The following SNX31 variants were observed in gnomAD, a reference collection of about 807,000 sequenced individuals.
The protein encoded by SNX31 is sorting nexin-31.
Under a neutral mutation model 65.4 loss-of-function variants are expected in SNX31, and 58 were observed. That is an observed-to-expected ratio of 0.89 (90% CI 0.72 to 1.10). The LOEUF (loss-of-function observed/expected upper bound fraction) is 1.10. Among genes scored for constraint, SNX31 ranks in the 50% least tolerant of loss-of-function variants. The pLI is 0.00. For synonymous variants in SNX31, 181 were observed against 190.1 expected (o/e 0.95, Z 0.39); for missense variants, 523 against 529.7 (o/e 0.99, Z 0.12).
chr8:100,653,834 A>T (rs1820013627), upstream of SNX31, among the ~76,000 whole-genome samples: 1 of 152,212 alleles, frequency 6.6e-6, no homozygotes, highest in South Asian at 2.1e-4. Context: ...ACAGAGGAAG[A>T]GCAGCTCAGA....
chr8:100,582,957 G>A (rs1271255177), intron 12 of SNX31, among the ~76,000 whole-genome samples: 1 of 150,826 alleles, frequency 6.6e-6, no homozygotes, highest in Non-Finnish European at 1.5e-5. Flanking sequence ...ACTCCAGCCT[G>A]GGCGACAGAG....
At chr8:100,656,652 A>AC (rs1563594474) in intron 1 of SNX31, among the ~76,000 whole-genome samples, 1 of 151,526 alleles carries the variant, frequency 6.6e-6, no homozygotes, top group Non-Finnish European at 1.5e-5. Context: ...AAAAAAAAAA[A>AC]AAAAAAAAAA....
rs902890175 is a variant in SNX31 at position 100,588,053 on chromosome 8, C to T, written c.1092+813G>A. Among the ~76,000 whole-genome samples, 2 of 151,148 alleles carry T rather than the reference C, an allele frequency of 1.3e-5. No individual in the cohort carries two copies. Among genetic ancestry groups the T allele is most frequent in the Non-Finnish European group, 2.9e-5 (2 of 67,874 alleles). On this transcript the variant is annotated intron_variant, in intron 11 of 13. Coordinates refer to ENST00000311812, the MANE Select transcript of SNX31 (RefSeq NM_152628.4). This position sits in a 1 kb window ranked among gnomAD's most constrained non-coding sequence, Gnocchi z 4.8. ...AATAAATTCTGAGGCAATTGTAACA[C>T]AATGATAAGTATGTGTATCACCTAA... is the stretch of plus-strand genomic sequence containing the variant.
chr8:100,658,453 G>A (rs1454777005), intron 1 of SNX31, among the ~76,000 whole-genome samples: 1 of 152,210 alleles, frequency 6.6e-6, no homozygotes, highest in Admixed American at 6.5e-5. Flanking sequence ...ATGCTCAAAT[G>A]CTGCTGCAGA....
chr8:100,639,757 G>A (rs1819027765), intron 2 of SNX31, among the ~76,000 whole-genome samples: 1 of 152,150 alleles, frequency 6.6e-6, no homozygotes, highest in African/African-American at 2.4e-5. Context: ...CATATCTAGT[G>A]CCCAGATCTT....
At chr8:100,584,603 C>T (rs1350075109) in intron 11 of SNX31, among the ~76,000 whole-genome samples, 1 of 151,800 alleles carries the variant, frequency 6.6e-6, no homozygotes, top group East Asian at 1.9e-4. Flanking sequence ...ACATTGTATA[C>T]ATAATTATTG....
Position 100,649,580 on chromosome 8 carries a change from T to C in SNX31, c.-66A>G. On this transcript the variant is annotated 5_prime_UTR_variant, in exon 1 of 14. Coordinates refer to ENST00000311812, the MANE Select transcript of SNX31 (RefSeq NM_152628.4). ...TGCGGCGGCGGGCGGTGCGCGGCTC[T>C]GAACTCGGCAGCGGTGGACGCAGCG... 6.9e-7 allele frequency: 1 copy of C among 1,452,454 alleles called. No homozygotes were observed. The highest frequency in any genetic ancestry group is 1.2e-5 in the South Asian group (1 of 80,646). The allele number at this position is 1,452,454 out of a possible 1,614,324, so 90.0% of individuals were successfully genotyped here.
chr8:100,577,163 C>T lies in SNX31; in HGVS notation c.1171-88G>A, dbSNP rs902158367. ...TTTAACTAGCACACTTTCCCTTCCA[C>T]GATAATCCTCTTAATCGTCCCAAAG... is the stretch of plus-strand genomic sequence containing the variant. On this transcript the variant is annotated intron_variant, in intron 12 of 13. Transcript: ENST00000311812. 30 of 1,149,984 alleles carry T rather than the reference C, an allele frequency of 2.6e-5. No individual in the cohort carries two copies. In the African/African-American group the frequency reaches 2.6e-4, roughly 10 times the overall value. 71.2% of individuals were successfully genotyped at this position (1,149,984 alleles called of 1,614,324 possible).
Position 100,576,328 on chromosome 8 carries a change from T to C in SNX31, c.1227+691A>G, listed in dbSNP as rs1412454448. Among the ~76,000 whole-genome samples, 1 of 152,218 alleles carries C rather than the reference T, an allele frequency of 6.6e-6. No individual in the cohort carries two copies. The highest frequency in any genetic ancestry group is 2.4e-5 in the African/African-American group (1 of 41,460). ...AAATGCTACTTAGAAGTCACTTTTC[T>C]TTCATTCACCTACACTAGGATTTGG... On this transcript the variant is annotated intron_variant, in intron 13 of 13. Coordinates refer to ENST00000311812, the MANE Select transcript of SNX31 (RefSeq NM_152628.4). The surrounding 1 kb of genome is among the most constrained non-coding windows in gnomAD (Gnocchi z 4.8).
At chr8:100,632,914 T>C (rs1818506120) in intron 3 of SNX31, among the ~76,000 whole-genome samples, 1 of 151,838 alleles carries the variant, frequency 6.6e-6, no homozygotes, top group African/African-American at 2.4e-5. Context: ...CTCAGCAGTT[T>C]TATGTTTGCT....
chr8:100,579,785 G>A (rs1426874706), intron 12 of SNX31, among the ~76,000 whole-genome samples: 2 of 152,078 alleles, frequency 1.3e-5, no homozygotes, highest in Non-Finnish European at 2.9e-5. Flanking sequence ...CATTTTTGAG[G>A]GAAACTAATT....
Position 100,573,823 on chromosome 8 carries a change from T to G in SNX31, c.*42A>C. 7.0e-5 allele frequency: 97 copies of G among 1,389,034 alleles called. No individual in the cohort carries two copies. Among genetic ancestry groups the G allele is most frequent in the Middle Eastern group, 1.8e-4 (1 of 5,544 alleles). The allele number at this position is 1,389,034 out of a possible 1,614,324, so 86.0% of individuals were successfully genotyped here. On this transcript the variant is annotated 3_prime_UTR_variant, in exon 14 of 14. Transcript: ENST00000311812. ...GAATCCCCAAGTTCTTTCACTGTCT[T>G]GAGATAGCCTCCAAGGATATTTTAA...
In SNX31 at chr8:100,647,032, C is replaced by T. The variant is rs1819689542; in HGVS notation, c.141+2242G>A. Among the ~76,000 whole-genome samples the T allele has an allele frequency of 3.3e-5, 5 of 152,172 alleles. No individual in the cohort carries two copies. In the South Asian group the frequency reaches 1.0e-3, roughly 32 times the overall value. On this transcript the variant is annotated intron_variant, in intron 2 of 13. Transcript: ENST00000311812. ...TCATAAGGCTATTATAAAAATTAAGCTATTACAGGTAAAGTGTTTGGTACC... is the reference window on the plus strand; with the variant it reads ...TCATAAGGCTATTATAAAAATTAAGTTATTACAGGTAAAGTGTTTGGTACC...
chr8:100,657,825 C>A (rs1172501884), intron 1 of SNX31: 4 of 453,982 alleles, frequency 8.8e-6, no homozygotes, highest in Non-Finnish European at 1.8e-5. Flanking sequence ...AAGCCAAGAT[C>A]GCCCCACTGC....
At position 100,620,820 on chromosome 8, in the gene SNX31, C is replaced by A. The variant is rs183166206; in HGVS notation, c.322-3090G>T. Reference sequence around the variant, plus strand: ...ACAAAGGTTAAATAACTTGCCCAGGCCGAGCATGGTGGCTCATGCCTGTAA... The same window carrying A: ...ACAAAGGTTAAATAACTTGCCCAGGACGAGCATGGTGGCTCATGCCTGTAA... On this transcript the variant is annotated intron_variant, in intron 4 of 13. Coordinates refer to ENST00000311812, the MANE Select transcript of SNX31 (RefSeq NM_152628.4). Among the ~76,000 whole-genome samples the A allele has an allele frequency of 9.2e-5, 14 of 152,242 alleles. No individual in the cohort carries two copies. In the East Asian group the frequency reaches 2.7e-3, roughly 29 times the overall value.
upstream of SNX31, among the ~76,000 whole-genome samples, chr8:100,653,234 T>C (rs2935543): frequency 0.24 from 35,792 of 152,066 alleles, 5,251 homozygotes; most frequent in African/African-American, 0.41. Context: ...AGGAAATATA[T>C]AAAATTATAC....
At chr8:100,654,787 C>A (rs1191124469) in intron 1 of SNX31, among the ~76,000 whole-genome samples, 2 of 152,062 alleles carry the variant, frequency 1.3e-5, no homozygotes, top group South Asian at 2.1e-4. Flanking sequence ...CTGAGGCATG[C>A]GGATCACTTG....
At chr8:100,583,456 T>G (rs909081486) in intron 12 of SNX31, among the ~76,000 whole-genome samples, 12 of 152,318 alleles carry the variant, frequency 7.9e-5, no homozygotes, top group Non-Finnish European at 1.8e-4. Flanking sequence ...CTGTCTTGTT[T>G]GGGACATACT....
chr8:100,654,419 C>T (rs184219686), upstream of SNX31, among the ~76,000 whole-genome samples: 534 of 152,322 alleles, frequency 3.5e-3, 6 homozygotes, highest in South Asian at 0.014. Context: ...GGATTCAAAT[C>T]CAGGCTGCCT....
Sources: allele counts gnomAD v4.1 joint callset (sites outside exome capture counted in the v4.1 genomes callset), GRCh38; gene constraint gnomAD v4.1.1; non-coding constraint Gnocchi (gnomAD v3.1); transcripts MANE v1.5; gene names NCBI Gene and HGNC (gene_info 2026-07-23, HGNC 2026-07-21).